The following PHKB variants were observed in gnomAD, a reference collection of about 807,000 sequenced individuals.
PHKB encodes the protein phosphorylase b kinase regulatory subunit beta.
Under a neutral mutation model 152.1 loss-of-function variants are expected in PHKB, and 122 were observed. That is an observed-to-expected ratio of 0.80 (90% CI 0.69 to 0.93). The LOEUF (loss-of-function observed/expected upper bound fraction) is 0.93, where lower values mean the gene tolerates loss of function less well. Ranked by LOEUF, PHKB falls within the 40% of genes least tolerant of loss-of-function variation. The pLI, the probability that PHKB is intolerant of heterozygous loss-of-function variation, is 0.00. For synonymous variants in PHKB, 436 were observed against 464.9 expected, an observed-to-expected ratio of 0.94 and a Z score of 0.80; for missense variants, 1,304 against 1,328.4, an observed-to-expected ratio of 0.98 and a Z score of 0.29.
chr16:47,589,157 T>C, intron 10 of PHKB, 55 bp downstream of exon 10: 1 of 1,316,530 alleles, frequency 7.6e-7, no homozygotes, highest in Non-Finnish European at 1.1e-6. Context: ...AAGCACAGAT[T>C]CAGGAGACTG....
chr16:47,608,221 A>G (rs1285300581), intron 13 of PHKB, among the ~76,000 whole-genome samples: 1 of 151,994 alleles, frequency 6.6e-6, no homozygotes, highest in Non-Finnish European at 1.5e-5. Flanking sequence ...TACTTCTTTT[A>G]TCACTTTTGT....
At chr16:47,478,272 A>G (rs1969903173) in intron 1 of PHKB, among the ~76,000 whole-genome samples, 1 of 152,158 alleles carries the variant, frequency 6.6e-6, no homozygotes, top group Admixed American at 6.5e-5. Flanking sequence ...AAAGAAGTGA[A>G]ATCTAGGTAA....
At chr16:47,655,333 A>G (rs1443435562) in intron 20 of PHKB, among the ~76,000 whole-genome samples, 1 of 152,210 alleles carries the variant, frequency 6.6e-6, no homozygotes, top group East Asian at 1.9e-4. Flanking sequence ...AAAGATGTTT[A>G]TTTTAAGAAG....
At chr16:47,484,514 TCTC>T (rs1235232342) in intron 1 of PHKB, among the ~76,000 whole-genome samples, 1 of 152,096 alleles carries the variant, frequency 6.6e-6, no homozygotes, top group East Asian at 1.9e-4. Flanking sequence ...TTTGGAGCAA[TCTC>T]CTGTTTAAAG....
chr16:47,484,184 A>T (rs1345584311), intron 1 of PHKB, among the ~76,000 whole-genome samples: 3 of 152,216 alleles, frequency 2.0e-5, no homozygotes, highest in Non-Finnish European at 4.4e-5. Flanking sequence ...AATAGATTTT[A>T]TAGGCCATGT....
At chr16:47,480,122 C>T (rs542912938) in intron 1 of PHKB, among the ~76,000 whole-genome samples, 12 of 152,270 alleles carry the variant, frequency 7.9e-5, no homozygotes, top group African/African-American at 2.9e-4. Context: ...TCCTGAGGAT[C>T]ATGTAGTTCT....
At chr16:47,692,850 G>A (rs552549315) in intron 27 of PHKB, among the ~76,000 whole-genome samples, 1 of 152,016 alleles carries the variant, frequency 6.6e-6, no homozygotes, top group South Asian at 2.1e-4. Context: ...TGTCTAAATA[G>A]CAAACTTCTA....
intron 27 of PHKB, among the ~76,000 whole-genome samples, chr16:47,691,045 C>T (rs1042363800): frequency 6.6e-6 from 1 of 152,000 alleles, no homozygotes; most frequent in Non-Finnish European, 1.5e-5. Flanking sequence ...CATTCTGAGA[C>T]CCCATCTCTA....
At chr16:47,576,373 T>C (rs550798496) in intron 7 of PHKB, among the ~76,000 whole-genome samples, 5 of 152,232 alleles carry the variant, frequency 3.3e-5, no homozygotes, top group Admixed American at 6.5e-5. Context: ...TTTTTATTAT[T>C]GAACCGGCCT....
intron 26 of PHKB, chr16:47,676,047 A>C (rs1185378311): frequency 6.6e-6 from 1 of 152,200 alleles, no homozygotes; most frequent in Non-Finnish European, 1.5e-5. Flanking sequence ...GGCCCCTTGC[A>C]TATTTGTTTA....
At chr16:47,670,438 G>C (rs117600273) in intron 26 of PHKB, among the ~76,000 whole-genome samples, 1 of 152,074 alleles carries the variant, frequency 6.6e-6, no homozygotes, top group African/African-American at 2.4e-5. Flanking sequence ...TATAATTGTG[G>C]TTGTATCAAT....
At chr16:47,645,771 A>C (rs1174951500) in intron 16 of PHKB, among the ~76,000 whole-genome samples, 1 of 149,228 alleles carries the variant, frequency 6.7e-6, no homozygotes, top group African/African-American at 2.5e-5. Flanking sequence ...CAAAAAACAC[A>C]TGAAGAAATG....
intron 7 of PHKB, among the ~76,000 whole-genome samples, chr16:47,555,966 A>G (rs1322663972): frequency 6.6e-6 from 1 of 152,128 alleles, no homozygotes. Flanking sequence ...AGTGGTTTGT[A>G]ATTCTCCTTG....
chr16:47,603,278 A>G (rs528447740), intron 13 of PHKB, among the ~76,000 whole-genome samples: 35 of 152,286 alleles, frequency 2.3e-4, no homozygotes, highest in Non-Finnish European at 4.1e-4. Context: ...GTGTACAGGT[A>G]TATTTTTACA....
At chr16:47,582,505 C>G (rs144279003) in intron 8 of PHKB, among the ~76,000 whole-genome samples, 3 of 152,190 alleles carry the variant, frequency 2.0e-5, no homozygotes, top group East Asian at 1.9e-4. Flanking sequence ...TCAATCTTGA[C>G]TATGCATTGG....
At chr16:47,688,948 A>G (rs1974012767) in intron 26 of PHKB, 93 bp from the exon 27 acceptor site, 2 of 1,319,128 alleles carry the variant, frequency 1.5e-6, no homozygotes, top group Admixed American at 3.4e-5. Context: ...TCTCCTTTGA[A>G]TGGGTCAGTG....
At chr16:47,577,822 G>A (rs1971775468) in intron 7 of PHKB, among the ~76,000 whole-genome samples, 1 of 152,028 alleles carries the variant, frequency 6.6e-6, no homozygotes, top group Admixed American at 6.6e-5. Flanking sequence ...ATGTGTCTTA[G>A]CATGGACATT....
chr16:47,513,303 T>C (rs1463649446), intron 5 of PHKB, among the ~76,000 whole-genome samples: 1 of 152,174 alleles, frequency 6.6e-6, no homozygotes, highest in Non-Finnish European at 1.5e-5. Flanking sequence ...GAAATTTCTT[T>C]GAAGTCATTT....
intron 14 of PHKB, among the ~76,000 whole-genome samples, chr16:47,618,873 T>G (rs2151713804): frequency 6.6e-6 from 1 of 152,348 alleles, no homozygotes; most frequent in East Asian, 1.9e-4. Flanking sequence ...GTTACAACAC[T>G]TGTCACTATT....
Sources: allele counts gnomAD v4.1 joint callset (sites outside exome capture counted in the v4.1 genomes callset), GRCh38; gene constraint gnomAD v4.1.1; transcripts MANE v1.5; gene names NCBI Gene and HGNC (gene_info 2026-07-23, HGNC 2026-07-21).